The following SPTBN4 variants were observed in gnomAD, a reference collection of about 807,000 sequenced individuals.
The protein encoded by SPTBN4 is spectrin beta, non-erythrocytic 4, also known as spectrin beta chain, non-erythrocytic 4.
Under a neutral mutation model 277.8 loss-of-function variants are expected in SPTBN4, and 96 were observed. The ratio of observed to expected loss-of-function variants is 0.35; its 90% confidence interval spans 0.29 to 0.41. The LOEUF is 0.41. Ranked by LOEUF, SPTBN4 falls within the 10% of genes least tolerant of loss-of-function variation. SPTBN4 has a pLI of 1.00. For missense variants in SPTBN4, 3,006 were observed against 3,595.7 expected, an observed-to-expected ratio of 0.84 and a Z score of 4.19; for synonymous variants, 1,481 against 1,580.3, an observed-to-expected ratio of 0.94 and a Z score of 1.49.
At chr19:40,548,891 T>C (rs186042311) in intron 20 of SPTBN4, among the ~76,000 whole-genome samples, 122 of 152,316 alleles carry the variant, frequency 8.0e-4, no homozygotes, top group Non-Finnish European at 1.2e-3. Flanking sequence ...AATGGACCAC[T>C]TTAGTTCCGG....
At chr19:40,504,664 G>A (rs1262892979) in intron 12 of SPTBN4, among the ~76,000 whole-genome samples, 17 of 143,156 alleles carry the variant, frequency 1.2e-4, no homozygotes, top group African/African-American at 3.8e-4. Flanking sequence ...GCGAGACTCC[G>A]TCTCAAAAAA....
intron 35 of SPTBN4, chr19:40,572,729 C>A (rs893525691): frequency 1.8e-5 from 4 of 222,900 alleles, no homozygotes; most frequent in Admixed American, 1.1e-4. Context: ...GAGGCCAAGA[C>A]GGGCAGATCA....
chr19:40,477,025 TTTATTATTA>T (rs368715725), intron 2 of SPTBN4, among the ~76,000 whole-genome samples: 1 of 147,574 alleles, frequency 6.8e-6, no homozygotes, highest in South Asian at 2.2e-4. Context: ...AGCTGTAGAA[TTTATTATTA>T]TTATTATTAT....
Position 40,566,311 on chromosome 19 carries a change from G to A in SPTBN4, c.6288G>A (p.Ala2096=), listed in dbSNP as rs577033896. 1.2e-5 allele frequency: 19 copies of A among 1,593,824 alleles called. No homozygotes were observed. Among genetic ancestry groups the A allele is most frequent in the East Asian group, 9.1e-5 (4 of 44,036 alleles). The change falls in exon 30 of 36, where the codon GCG becomes GCA. Residue 2096 remains alanine, a synonymous_variant. Coordinates refer to ENST00000598249, the MANE Select transcript of SPTBN4 (RefSeq NM_020971.3). Reference sequence around the variant, plus strand: ...GGCGACATGAGGCCTTCCGCAAAGCGGCTGCAGCCTGGGAAGAGAGGTTCA... The same window carrying A: ...GGCGACATGAGGCCTTCCGCAAAGCAGCTGCAGCCTGGGAAGAGAGGTTCA... The part of the protein sequence containing the change: ...LIRRHEAFRK[A]AAAWEERFSS...
chr19:40,565,280 A>T, intron 27 of SPTBN4, 143 bp from the exon 28 acceptor site: 2 of 1,115,862 alleles, frequency 1.8e-6, no homozygotes, highest in Non-Finnish European at 2.5e-6. Flanking sequence ...AAAAAAGAAA[A>T]GAAAAGAAAA....
intron 18 of SPTBN4, among the ~76,000 whole-genome samples, chr19:40,529,345 C>T (rs1178584597): frequency 6.6e-6 from 1 of 152,228 alleles, no homozygotes; most frequent in African/African-American, 2.4e-5. Context: ...GAAGGAGGGG[C>T]CCCGGGCGCC....
intron 31 of SPTBN4, 57 bp from the exon 32 acceptor site, chr19:40,569,600 G>C: frequency 6.3e-7 from 1 of 1,582,746 alleles, no homozygotes; most frequent in Non-Finnish European, 8.6e-7. Context: ...CAGCCAGACA[G>C]GTCCATGGGA....
intron 19 of SPTBN4, among the ~76,000 whole-genome samples, chr19:40,533,323 G>A (rs1401384450): frequency 5.3e-5 from 8 of 152,130 alleles, no homozygotes; most frequent in East Asian, 1.9e-4. Flanking sequence ...ACAAGGCCAC[G>A]CACCTAAGAG....
Position 40,515,202 on chromosome 19 carries a change from G to A in SPTBN4, c.2766-109G>A. ...TAGAAGAGAAGGAGCCCACAAAGGA[G>A]GCTGAAAAGAAGGGTGGATTGAGAA... On this transcript the variant is annotated intron_variant, in intron 14 of 35. Coordinates refer to ENST00000598249, the MANE Select transcript of SPTBN4 (RefSeq NM_020971.3). The surrounding 1 kb of genome is among the most constrained non-coding windows in gnomAD (Gnocchi z 4.1). The A allele has an allele frequency of 8.1e-7, 1 of 1,237,106 alleles. No individual in the cohort carries two copies. Among genetic ancestry groups the A allele is most frequent in the South Asian group, 1.9e-5 (1 of 53,890 alleles). The allele number at this position is 1,237,106 out of a possible 1,614,324, so 76.6% of individuals were successfully genotyped here.
At chr19:40,473,940 G>A (rs1024320213) in intron 2 of SPTBN4, among the ~76,000 whole-genome samples, 2 of 151,166 alleles carry the variant, frequency 1.3e-5, no homozygotes, top group Non-Finnish European at 2.9e-5. Flanking sequence ...GCAGGAGTTC[G>A]AGACCATGTT....
Position 40,515,392 on chromosome 19 carries a change from A to C in SPTBN4, c.2847A>C (p.Glu949Asp), listed in dbSNP as rs1599754237. Residue 949 changes from glutamate (E) to aspartate (D), a missense_variant, in exon 15 of 36, where the codon GAA (glutamate) becomes GAC (aspartate). Glu to Asp is a conservative substitution (Grantham distance 45, BLOSUM62 2). Transcript: ENST00000598249. The surrounding 1 kb of genome is among the most constrained non-coding windows in gnomAD (Gnocchi z 4.1). ...DVNHTVQELVEGGHPSSDEVR... is the reference protein window; with the variant it reads ...DVNHTVQELVDGGHPSSDEVR... ...ACCACACAGTCCAGGAGCTGGTGGA[A>C]GGAGGCCACCCCAGTTCAGATGAGG... 1 of 1,599,030 alleles carries C rather than the reference A, an allele frequency of 6.3e-7. No homozygotes were observed. Among genetic ancestry groups the C allele is most frequent in the Non-Finnish European group, 8.5e-7 (1 of 1,172,750 alleles).
intron 11 of SPTBN4, among the ~76,000 whole-genome samples, chr19:40,503,411 T>C (rs2080285680): frequency 1.3e-5 from 2 of 149,990 alleles, no homozygotes; most frequent in African/African-American, 4.9e-5. Flanking sequence ...AGAGTGGGGC[T>C]GGTCTCTGGG....
Position 40,568,296 on chromosome 19 carries a change from C to T in SPTBN4, c.6956+14C>T. On this transcript the variant is annotated intron_variant, in intron 31 of 35. Transcript: ENST00000598249. Reference sequence around the variant, plus strand: ...CCTGGTCAAGGGGTGAGGTGCCCGCCTTATGACCAGAAAGTGAGGGGAGGG... The same window carrying T: ...CCTGGTCAAGGGGTGAGGTGCCCGCTTTATGACCAGAAAGTGAGGGGAGGG... The T allele has an allele frequency of 6.3e-7, 1 of 1,588,440 alleles. No individual in the cohort carries two copies. The highest frequency in any genetic ancestry group is 8.6e-7 in the Non-Finnish European group (1 of 1,167,270).
At position 40,570,767 on chromosome 19, in the gene SPTBN4, G is replaced by C. The variant is rs1291258558; in HGVS notation, c.7319+39G>C. ...CGGGGCTTTGGAAGGCGGGTCTCAG[G>C]CTCAGGGTGACCATTGCGTGGAGCG... On this transcript the variant is annotated intron_variant, in intron 33 of 35. Transcript: ENST00000598249. The C allele has an allele frequency of 1.9e-6, 3 of 1,587,918 alleles. No individual in the cohort carries two copies. The African/African-American group carries it at 4.1e-5, about 21-fold the overall frequency.
In SPTBN4 at chr19:40,497,308, C is replaced by T. The variant is rs116264523; in HGVS notation, c.669-181C>T. Reference sequence around the variant, plus strand: ...TCCCGGGAACGCACAGAGACATGCCCGCGTCCATCACACTCACATCACAGC... The same window carrying T: ...TCCCGGGAACGCACAGAGACATGCCTGCGTCCATCACACTCACATCACAGC... On this transcript the variant is annotated intron_variant, in intron 6 of 35. Transcript: ENST00000598249. 638 of 596,048 alleles carry T rather than the reference C, an allele frequency of 1.1e-3. 3 individuals are homozygous for T. Among genetic ancestry groups the T allele is most frequent in the African/African-American group, 0.01 (564 of 54,050 alleles). The allele number at this position is 596,048 out of a possible 1,614,324, so 36.9% of individuals were successfully genotyped here. A position where few individuals can be genotyped will look rare whatever the true frequency, so the allele number is the denominator to read the frequency against.
At chr19:40,507,920 C>T (rs1274651477) in intron 13 of SPTBN4, among the ~76,000 whole-genome samples, 1 of 152,170 alleles carries the variant, frequency 6.6e-6, no homozygotes, top group Non-Finnish European at 1.5e-5. Flanking sequence ...CAGTCCTGTC[C>T]CTTGTGGTAT....
At chr19:40,529,168 C>T in intron 18 of SPTBN4, 37 bp downstream of exon 18, 1 of 1,587,198 alleles carries the variant, frequency 6.3e-7, no homozygotes. Flanking sequence ...GGAGACATCC[C>T]CTTTAGTCGG....
chr19:40,467,625 G>A (rs537424466), intron 1 of SPTBN4, among the ~76,000 whole-genome samples: 8 of 62,664 alleles, frequency 1.3e-4, no homozygotes, highest in Admixed American at 5.0e-4. Flanking sequence ...AGCCTTTGCG[G>A]GGGGGGGGGG....
chr19:40,516,306 C>T (rs1332355230), intron 15 of SPTBN4, among the ~76,000 whole-genome samples: 1 of 151,278 alleles, frequency 6.6e-6, no homozygotes, highest in Non-Finnish European at 1.5e-5. Context: ...TCAGAACTCT[C>T]TCTCTCTCTC....
Sources: allele counts gnomAD v4.1 joint callset (sites outside exome capture counted in the v4.1 genomes callset), GRCh38; gene constraint gnomAD v4.1.1; non-coding constraint Gnocchi (gnomAD v3.1); transcripts MANE v1.5; gene names NCBI Gene and HGNC (gene_info 2026-07-23, HGNC 2026-07-21).